CNOT10: variants seen among roughly 807,000 people sequenced by gnomAD.
The protein encoded by CNOT10 is CCR4-NOT transcription complex subunit 10.
A neutral mutation model predicts 94.6 loss-of-function variants in CNOT10; 30 were observed. The observed-to-expected ratio is 0.32, with a 90% CI of 0.24 to 0.43. CNOT10 has a LOEUF of 0.43. Among genes scored for constraint, CNOT10 ranks in the 20% least tolerant of loss-of-function variants. The probability of loss-of-function intolerance (pLI) is 1.00; values close to 1 mark genes in which losing one functional copy is unlikely to be tolerated. For synonymous variants in CNOT10, 289 were observed against 301.6 expected (o/e 0.96, Z 0.43); for missense variants, 759 against 877.2 (o/e 0.87, Z 1.70).
intron 18 of CNOT10, among the ~76,000 whole-genome samples, chr3:32,772,874 TG>T (rs1700975143): frequency 6.6e-6 from 1 of 152,124 alleles, no homozygotes; most frequent in Admixed American, 6.6e-5. Flanking sequence ...CATTGTTTTT[TG>T]TTTGTCTTGA....
intron 7 of CNOT10, among the ~76,000 whole-genome samples, chr3:32,718,050 AG>A (rs913386424): frequency 5.3e-5 from 8 of 152,082 alleles, no homozygotes; most frequent in African/African-American, 9.7e-5. Flanking sequence ...GGTGTAGGAA[AG>A]AAACAGAATT....
intron 15 of CNOT10, 77 bp from the exon 16 acceptor site, chr3:32,764,378 C>T: frequency 6.9e-7 from 1 of 1,454,250 alleles, no homozygotes; most frequent in South Asian, 1.2e-5. Context: ...TGCCCTCTAC[C>T]TTCTGAGCCC....
chr3:32,755,139 G>A (rs1183333733), intron 13 of CNOT10, among the ~76,000 whole-genome samples: 7 of 150,970 alleles, frequency 4.6e-5, no homozygotes, highest in Middle Eastern at 3.4e-3. Context: ...CCAGCTACTC[G>A]GGAGGCTGAG....
intron 13 of CNOT10, chr3:32,753,023 G>A (rs1040407212): frequency 4.1e-6 from 2 of 491,960 alleles, no homozygotes; most frequent in Non-Finnish European, 8.1e-6. Flanking sequence ...CTAAGGCTTT[G>A]GAACAGAAAC....
At chr3:32,757,142 A>G (rs114561901) in intron 13 of CNOT10, among the ~76,000 whole-genome samples, 3,247 of 144,284 alleles carry the variant, frequency 0.023, 63 homozygotes, top group African/African-American at 0.042. Context: ...TAAATTTTGT[A>G]ACTGTCATTC....
At chr3:32,730,981 G>A (rs1186947368) in intron 10 of CNOT10, 1 of 152,056 alleles carries the variant, frequency 6.6e-6, no homozygotes, top group Non-Finnish European at 1.5e-5. Flanking sequence ...CCATTCCATC[G>A]TGGGCCAGTT....
At chr3:32,748,976 C>G (rs561443002) in intron 13 of CNOT10, among the ~76,000 whole-genome samples, 31 of 152,258 alleles carry the variant, frequency 2.0e-4, no homozygotes, top group African/African-American at 7.5e-4. Context: ...CATGCATAAC[C>G]ACACCCAGCT....
At chr3:32,717,401 TA>T (rs1428274515) in intron 7 of CNOT10, among the ~76,000 whole-genome samples, 164 bp downstream of exon 7, 1 of 151,118 alleles carries the variant, frequency 6.6e-6, no homozygotes, top group African/African-American at 2.4e-5. Context: ...GTCTATAGTT[TA>T]ATTTTTTTTT....
At chr3:32,744,343 A>G (rs964405339) in intron 13 of CNOT10, among the ~76,000 whole-genome samples, 1 of 152,226 alleles carries the variant, frequency 6.6e-6, no homozygotes, top group African/African-American at 2.4e-5. Context: ...ATAATACCCA[A>G]GACACCAATG....
chr3:32,727,945 A>AAC, intron 10 of CNOT10, 75 bp downstream of exon 10: 1 of 1,054,092 alleles, frequency 9.5e-7, no homozygotes, highest in Non-Finnish European at 1.4e-6. Flanking sequence ...AAAAAAAAAA[A>AAC]AAAACCTTGG....
At chr3:32,770,109 C>T in intron 18 of CNOT10, 147 bp downstream of exon 18, 1 of 616,878 alleles carries the variant, frequency 1.6e-6, no homozygotes. Context: ...TAGGCTCAAG[C>T]AGCCTTCCCA....
intron 9 of CNOT10, 92 bp from the exon 10 acceptor site, chr3:32,727,576 G>T: frequency 1.2e-6 from 1 of 807,814 alleles, no homozygotes; most frequent in Non-Finnish European, 2.1e-6. Context: ...TGTTAAACAT[G>T]GTAGTGTCTA....
At chr3:32,747,841 G>A (rs1381607433) in intron 13 of CNOT10, among the ~76,000 whole-genome samples, 2 of 152,062 alleles carry the variant, frequency 1.3e-5, no homozygotes, top group East Asian at 3.9e-4. Flanking sequence ...CCAGCTCCTC[G>A]GGAGGCTGAG....
intron 9 of CNOT10, 111 bp downstream of exon 9, chr3:32,725,710 C>G: frequency 1.1e-6 from 1 of 940,924 alleles, no homozygotes; most frequent in Admixed American, 3.3e-5. Flanking sequence ...ATAGTTAACT[C>G]TGATCTTACC....
intron 13 of CNOT10, among the ~76,000 whole-genome samples, chr3:32,741,988 A>T (rs112512510): frequency 0.026 from 3,767 of 143,476 alleles, 73 homozygotes; most frequent in Middle Eastern, 0.08. Context: ...ATTTTATTTT[A>T]TTTTTTTGCC....
At chr3:32,737,815 A>G (rs1003115317) in intron 13 of CNOT10, among the ~76,000 whole-genome samples, 12 of 152,124 alleles carry the variant, frequency 7.9e-5, no homozygotes, top group African/African-American at 1.2e-4. Context: ...CAAAAAAAAA[A>G]AGAACACATT....
At chr3:32,745,727 A>G (rs1225965543) in intron 13 of CNOT10, among the ~76,000 whole-genome samples, 6 of 152,240 alleles carry the variant, frequency 3.9e-5, no homozygotes, top group Admixed American at 3.9e-4. Flanking sequence ...GGTCGGGCAC[A>G]GTGGCTCATG....
intron 1 of CNOT10, among the ~76,000 whole-genome samples, chr3:32,686,037 CA>C (rs1024848798): frequency 2.0e-5 from 3 of 152,158 alleles, no homozygotes; most frequent in African/African-American, 7.2e-5. Flanking sequence ...CTTGGCCTCT[CA>C]AAGTAAACCA....
At chr3:32,720,704 C>CA (rs1329579902) in intron 8 of CNOT10, among the ~76,000 whole-genome samples, 1 of 152,006 alleles carries the variant, frequency 6.6e-6, no homozygotes, top group Non-Finnish European at 1.5e-5. Context: ...AAGCTGGTCT[C>CA]AAACTCCTGG....
Sources: allele counts gnomAD v4.1 joint callset (sites outside exome capture counted in the v4.1 genomes callset), GRCh38; gene constraint gnomAD v4.1.1; transcripts MANE v1.5; gene names NCBI Gene and HGNC (gene_info 2026-07-23, HGNC 2026-07-21).